The following ENOX1 variants were observed in gnomAD, a reference collection of about 807,000 sequenced individuals.
The protein encoded by ENOX1 is ecto-NOX disulfide-thiol exchanger 1.
Under a neutral mutation model 82.5 loss-of-function variants are expected in ENOX1, and 42 were observed. The ratio of observed to expected loss-of-function variants is 0.51; its 90% CI spans 0.40 to 0.66. The LOEUF (loss-of-function observed/expected upper bound fraction) is 0.66. Among genes scored for constraint, ENOX1 ranks in the 30% least tolerant of loss-of-function variants. ENOX1 has a pLI of 0.00. For synonymous variants in ENOX1, 271 were observed against 282.2 expected (o/e 0.96, Z 0.40); for missense variants, 608 against 811.6 (o/e 0.75, Z 3.05).
chr13:43,528,824 G>C (rs181212069), intron 2 of ENOX1, among the ~76,000 whole-genome samples: 2 of 152,116 alleles, frequency 1.3e-5, no homozygotes, highest in Admixed American at 1.3e-4. Flanking sequence ...TTCTTAGGTA[G>C]ATTTTTTAAT....
At chr13:43,254,497 CT>C (rs1256171682) in intron 14 of ENOX1, among the ~76,000 whole-genome samples, 1 of 152,162 alleles carries the variant, frequency 6.6e-6, no homozygotes, top group African/African-American at 2.4e-5. Context: ...GAATCTTCCT[CT>C]GTTCCTAAAT....
At chr13:43,562,746 T>C (rs995781336) in intron 2 of ENOX1, among the ~76,000 whole-genome samples, 1 of 152,196 alleles carries the variant, frequency 6.6e-6, no homozygotes, top group African/African-American at 2.4e-5. Flanking sequence ...GGAGTGGCTA[T>C]GCTGGTACCA....
intron 3 of ENOX1, among the ~76,000 whole-genome samples, chr13:43,474,068 G>A (rs2058180149): frequency 6.6e-6 from 1 of 152,078 alleles, no homozygotes. Context: ...ACTGGCTTAG[G>A]TTTTTAAAAT....
chr13:43,473,154 T>C (rs1416325401), intron 3 of ENOX1, among the ~76,000 whole-genome samples: 1 of 152,214 alleles, frequency 6.6e-6, no homozygotes, highest in Non-Finnish European at 1.5e-5. Flanking sequence ...TAGTAATCTT[T>C]CTGATGAGCA....
At chr13:43,504,713 A>C (rs1405231711) in intron 2 of ENOX1, among the ~76,000 whole-genome samples, 1 of 151,670 alleles carries the variant, frequency 6.6e-6, no homozygotes, top group Non-Finnish European at 1.5e-5. Flanking sequence ...TTCAGTTATA[A>C]AAGACAAGTC....
chr13:43,287,995 G>A (rs2045795539), intron 12 of ENOX1, among the ~76,000 whole-genome samples: 1 of 152,168 alleles, frequency 6.6e-6, no homozygotes, highest in Non-Finnish European at 1.5e-5. Flanking sequence ...GTCAGAAAAT[G>A]CACACACTGC....
intron 5 of ENOX1, among the ~76,000 whole-genome samples, chr13:43,376,984 C>T (rs1163543426): frequency 6.6e-6 from 1 of 152,186 alleles, no homozygotes; most frequent in Non-Finnish European, 1.5e-5. Context: ...AGACTTTATA[C>T]CAGCCTGACC....
Position 43,559,629 on chromosome 13 carries a change from A to T in ENOX1, c.-218-75477T>A, listed in dbSNP as rs114339315. On this transcript the variant is annotated intron_variant, in intron 2 of 16. Coordinates refer to ENST00000690772, the MANE Select transcript of ENOX1 (RefSeq NM_001347969.2). ...GCTATCCAAAACTGTGAACAACAGA[A>T]CAAGACCCCAAACTGCAGAGAATAT... Among the ~76,000 whole-genome samples the T allele has an allele frequency of 2.5e-3, 388 of 152,350 alleles. 1 individual carries two copies. Among genetic ancestry groups the T allele is most frequent in the African/African-American group, 9.0e-3 (373 of 41,584 alleles).
At chr13:43,243,474 G>A (rs2042937114) in intron 14 of ENOX1, among the ~76,000 whole-genome samples, 1 of 152,066 alleles carries the variant, frequency 6.6e-6, no homozygotes, top group South Asian at 2.1e-4. Flanking sequence ...TTGTTTTAGG[G>A]ATGCGGTCTC....
rs78809527 is a variant in ENOX1 at position 43,710,691 on chromosome 13, A to C, written c.-284-43147T>G. Among the ~76,000 whole-genome samples the C allele has an allele frequency of 9.0e-3, 1,365 of 152,256 alleles. 21 individuals are homozygous for C. Among genetic ancestry groups the C allele is most frequent in the African/African-American group, 0.031 (1,293 of 41,564 alleles). On this transcript the variant is annotated intron_variant, in intron 1 of 16. Transcript: ENST00000690772. ...GAAGAGAAATGTGACCAACATAAAA[A>C]AGTAAGCTGAACCAATAGATAAGAA...
At chr13:43,366,850 A>G (rs182615841) in intron 5 of ENOX1, among the ~76,000 whole-genome samples, 1 of 152,352 alleles carries the variant, frequency 6.6e-6, no homozygotes, top group Non-Finnish European at 1.5e-5. Context: ...ATTAAATGGG[A>G]TTAATAAAAC....
At chr13:43,735,117 G>A (rs1220121958) in intron 1 of ENOX1, among the ~76,000 whole-genome samples, 1 of 152,076 alleles carries the variant, frequency 6.6e-6, no homozygotes, top group African/African-American at 2.4e-5. Context: ...AAAAAAGAAT[G>A]TCTATCATTT....
intron 2 of ENOX1, among the ~76,000 whole-genome samples, chr13:43,617,333 T>C (rs2082526603): frequency 6.6e-6 from 1 of 152,248 alleles, no homozygotes; most frequent in South Asian, 2.1e-4. Context: ...CAAATCCCTG[T>C]TATGAAAATT....
At chr13:43,655,181 G>A (rs1419829218) in intron 2 of ENOX1, among the ~76,000 whole-genome samples, 1 of 152,120 alleles carries the variant, frequency 6.6e-6, no homozygotes, top group African/African-American at 2.4e-5. Context: ...AATGGGTGGG[G>A]CAAGGACTAC....
chr13:43,428,549 G>A (rs1041382802), intron 3 of ENOX1, among the ~76,000 whole-genome samples: 4 of 152,108 alleles, frequency 2.6e-5, no homozygotes, highest in African/African-American at 7.2e-5. Flanking sequence ...TAGAAAGGCT[G>A]GTCCCAGCTT....
Position 43,419,712 on chromosome 13 carries a change from C to T in ENOX1, c.-74-6724G>A, listed in dbSNP as rs186668070. Among the ~76,000 whole-genome samples the T allele has an allele frequency of 5.8e-4, 88 of 152,270 alleles. 1 individual carries two copies. The highest frequency in any genetic ancestry group is 9.8e-4 in the Non-Finnish European group (67 of 68,026). ...CCAGGCCAGGCACGGTGGCTCATGC[C>T]TGTAATGCCAGCACTTTGGGAGGCC... On this transcript the variant is annotated intron_variant, in intron 3 of 16. Transcript: ENST00000690772.
chr13:43,224,074 G>A lies in ENOX1; in HGVS notation c.1779C>T (p.Tyr593=), dbSNP rs371125716. The change falls in exon 16 of 17, where the codon TAC becomes TAT. Residue 593 remains tyrosine (Y), a synonymous_variant. Coordinates refer to ENST00000690772, the MANE Select transcript of ENOX1 (RefSeq NM_001347969.2). The part of the protein sequence containing the change: ...FGANIEYLWS[Y]MQQLDSKISA... ...TTACCTTGGAGTCCAGCTGCTGCATGTATGACCAAAGATATTCTATGTTGG... is the reference window on the plus strand; with the variant it reads ...TTACCTTGGAGTCCAGCTGCTGCATATATGACCAAAGATATTCTATGTTGG... 2 of 1,613,786 alleles carry A rather than the reference G, an allele frequency of 1.2e-6. No individual in the cohort carries two copies. The highest frequency in any genetic ancestry group is 8.5e-7 in the Non-Finnish European group (1 of 1,179,808).
intron 1 of ENOX1, among the ~76,000 whole-genome samples, chr13:43,726,815 CA>C (rs2089002412): frequency 6.6e-6 from 1 of 151,956 alleles, no homozygotes; most frequent in Non-Finnish European, 1.5e-5. Flanking sequence ...GATCTCAGCT[CA>C]CTGCAACCTC....
At chr13:43,458,628 G>A (rs186657311) in intron 3 of ENOX1, 5 of 152,172 alleles carry the variant, frequency 3.3e-5, no homozygotes, top group Non-Finnish European at 1.5e-5. Flanking sequence ...GGGAAAGGGA[G>A]GACTGGACAA....
Sources: allele counts gnomAD v4.1 joint callset (sites outside exome capture counted in the v4.1 genomes callset), GRCh38; gene constraint gnomAD v4.1.1; transcripts MANE v1.5; gene names NCBI Gene and HGNC (gene_info 2026-07-23, HGNC 2026-07-21).